The following TMEM266 variants were observed in gnomAD, a reference collection of about 807,000 sequenced individuals.
TMEM266 encodes the protein Hv1 related protein 1.
In TMEM266, 33 loss-of-function variants were observed where a neutral mutation model predicts 50.5. That is an observed-to-expected ratio of 0.65 (90% CI 0.50 to 0.87). TMEM266 has a LOEUF of 0.87. TMEM266 is among the 40% of genes least tolerant of loss of function. TMEM266 has a pLI of 0.00. For synonymous variants in TMEM266, 310 were observed against 292.3 expected, an observed-to-expected ratio of 1.06 and a Z score of -0.62; for missense variants, 655 against 695.1, an observed-to-expected ratio of 0.94 and a Z score of 0.65.
rs532578638 is a variant in TMEM266 at position 76,191,930 on chromosome 15, C to T, written c.769-38C>T. 5 of 1,530,994 alleles carry T rather than the reference C, an allele frequency of 3.3e-6. No individual in the cohort carries two copies. The South Asian group carries it at 5.0e-5, about 15-fold the overall frequency. 94.8% of individuals were successfully genotyped at this position (1,530,994 alleles called of 1,614,324 possible). A position where few individuals can be genotyped will look rare whatever the true frequency, so the allele number is the denominator to read the frequency against. On this transcript the variant is annotated intron_variant, in intron 8 of 10. Transcript: ENST00000388942. ...TCAGGCTGGAGGCCCCCGCCGGCCC[C>T]TCGCCGCTGATTCAGCCTTGCCCGT... is the stretch of plus-strand genomic sequence containing the variant.
At chr15:76,152,625 C>G (rs2037861447) in intron 3 of TMEM266, among the ~76,000 whole-genome samples, 1 of 152,184 alleles carries the variant, frequency 6.6e-6, no homozygotes, top group Non-Finnish European at 1.5e-5. Flanking sequence ...GAAACAGTCC[C>G]TATTTAGTGT....
intron 9 of TMEM266, 149 bp from the exon 10 acceptor site, chr15:76,202,053 T>G (rs1266637040): frequency 1.6e-6 from 1 of 632,264 alleles, no homozygotes; most frequent in Non-Finnish European, 2.7e-6. Context: ...GTGGTCCCCA[T>G]GGAGAACTAA....
intron 1 of TMEM266, among the ~76,000 whole-genome samples, chr15:76,094,514 T>G (rs1449242989): frequency 6.6e-6 from 1 of 152,098 alleles, no homozygotes; most frequent in African/African-American, 2.4e-5. Flanking sequence ...TTTTTGTTAC[T>G]GTAGCCTTGT....
chr15:76,180,605 A>AC (rs1567178738), intron 8 of TMEM266, among the ~76,000 whole-genome samples: 39 of 47,630 alleles, frequency 8.2e-4, no homozygotes, highest in South Asian at 2.8e-3. Flanking sequence ...CTTCATCTTA[A>AC]GCTTTTTTTT....
intron 1 of TMEM266, among the ~76,000 whole-genome samples, chr15:76,102,377 G>A (rs569538501): frequency 1.3e-5 from 2 of 152,216 alleles, no homozygotes; most frequent in South Asian, 2.1e-4. Context: ...GAATGTGGGC[G>A]GGGTGGCTGC....
chr15:76,072,421 A>G (rs1297587326), intron 1 of TMEM266, among the ~76,000 whole-genome samples: 4 of 148,244 alleles, frequency 2.7e-5, no homozygotes, highest in Non-Finnish European at 5.9e-5. Context: ...CTGGGCAACA[A>G]GAGCGAAAAA....
At position 76,204,374 on chromosome 15, in the gene TMEM266, C is replaced by A. The variant is rs2038803769; in HGVS notation, c.*59C>A. ...CAGCCATCTCAAAGCTCTCCTGGGA[C>A]CCTGGAGGCTGCCAAGGGCCACACG... is the stretch of plus-strand genomic sequence containing the variant. On this transcript the variant is annotated 3_prime_UTR_variant, in exon 11 of 11. Transcript: ENST00000388942. 2 of 1,493,172 alleles carry A rather than the reference C, an allele frequency of 1.3e-6. No individual in the cohort carries two copies. The highest frequency in any genetic ancestry group is 2.8e-5 in the African/African-American group (2 of 71,724). The allele number at this position is 1,493,172 out of a possible 1,614,324, so 92.5% of individuals were successfully genotyped here. A position where few individuals can be genotyped will look rare whatever the true frequency, so the allele number is the denominator to read the frequency against.
chr15:76,184,090 G>A (rs1158195102), intron 8 of TMEM266, among the ~76,000 whole-genome samples: 1 of 152,246 alleles, frequency 6.6e-6, no homozygotes, highest in Non-Finnish European at 1.5e-5. Flanking sequence ...GGCAGGAATA[G>A]CAGGAATAAA....
chr15:76,093,041 C>T (rs960332365), intron 1 of TMEM266, among the ~76,000 whole-genome samples: 4 of 151,550 alleles, frequency 2.6e-5, no homozygotes, highest in Non-Finnish European at 4.4e-5. Flanking sequence ...CTCCTGACCT[C>T]GTGATCCACC....
intron 3 of TMEM266, among the ~76,000 whole-genome samples, chr15:76,149,235 G>T (rs758362195): frequency 6.6e-6 from 1 of 152,230 alleles, no homozygotes; most frequent in Non-Finnish European, 1.5e-5. Flanking sequence ...TCTCTTTAGA[G>T]ACATCATACA....
At chr15:76,152,717 GACC>G (rs2037863373) in intron 3 of TMEM266, among the ~76,000 whole-genome samples, 1 of 152,098 alleles carries the variant, frequency 6.6e-6, no homozygotes, top group South Asian at 2.1e-4. Flanking sequence ...GGCCTGCTCT[GACC>G]ACCATATTTA....
At chr15:76,100,234 G>C (rs2036982679) in intron 1 of TMEM266, among the ~76,000 whole-genome samples, 1 of 152,216 alleles carries the variant, frequency 6.6e-6, no homozygotes, top group African/African-American at 2.4e-5. Context: ...GGTCGGACTA[G>C]AGATGGGAGA....
chr15:76,152,117 A>G (rs974911448), intron 3 of TMEM266, among the ~76,000 whole-genome samples: 2 of 151,916 alleles, frequency 1.3e-5, no homozygotes, highest in Non-Finnish European at 2.9e-5. Context: ...GCCAGGCCTC[A>G]CCAGCCACTG....
intron 7 of TMEM266, among the ~76,000 whole-genome samples, chr15:76,172,424 T>C (rs531933323): frequency 5.3e-5 from 8 of 152,294 alleles, no homozygotes; most frequent in African/African-American, 1.9e-4. Context: ...ATGATAAAAA[T>C]TGAAGCCATG....
At chr15:76,107,004 A>G (rs945259905) in intron 1 of TMEM266, among the ~76,000 whole-genome samples, 4 of 152,168 alleles carry the variant, frequency 2.6e-5, no homozygotes, top group Non-Finnish European at 5.9e-5. Flanking sequence ...ACCACACGTA[A>G]ACTCACAGAG....
chr15:76,200,210 C>T (rs2038723956), intron 9 of TMEM266, among the ~76,000 whole-genome samples: 1 of 152,138 alleles, frequency 6.6e-6, no homozygotes, highest in Admixed American at 6.5e-5. Flanking sequence ...TAGAGGTGTG[C>T]AGGCTGTGGT....
chr15:76,104,517 G>A (rs968414634), intron 1 of TMEM266, among the ~76,000 whole-genome samples: 4 of 152,076 alleles, frequency 2.6e-5, no homozygotes, highest in Non-Finnish European at 4.4e-5. Context: ...ATGGAGAAAC[G>A]TGAGCATTTA....
intron 3 of TMEM266, among the ~76,000 whole-genome samples, chr15:76,152,826 G>GCCTGA (rs963156833): frequency 2.0e-5 from 3 of 152,136 alleles, no homozygotes; most frequent in African/African-American, 7.2e-5. Context: ...TGTATTGATT[G>GCCTGA]CCTGACCCTC....
intron 8 of TMEM266, among the ~76,000 whole-genome samples, chr15:76,190,035 G>T (rs971789163): frequency 2.6e-5 from 4 of 152,202 alleles, no homozygotes; most frequent in African/African-American, 9.7e-5. Context: ...GCTTTTAGTT[G>T]TATGTGTTTT....
Sources: gnomAD v4.1 joint callset for allele counts (sites outside exome capture counted in the v4.1 genomes callset) on GRCh38, gnomAD v4.1.1 for gene constraint, MANE v1.5 for transcripts, NCBI Gene and HGNC (gene_info 2026-07-23, HGNC 2026-07-21) for gene names.